Variants in PTPN2 observed in about 807,000 individuals in gnomAD.
PTPN2 encodes tyrosine-protein phosphatase non-receptor type 2.
PTPN2 carries 19 observed loss-of-function variants against 57.3 expected under a neutral mutation model. The observed-to-expected ratio is 0.33, with a 90% confidence interval of 0.23 to 0.49. The LOEUF is 0.49. Ranked by LOEUF, PTPN2 falls within the 20% of genes least tolerant of loss-of-function variation. The probability of loss-of-function intolerance (pLI) is 0.99; values close to 1 mark genes in which losing one functional copy is unlikely to be tolerated. For synonymous variants in PTPN2, 153 were observed against 164.9 expected (o/e 0.93, Z 0.55); for missense variants, 358 against 501.1 (o/e 0.71, Z 2.73).
At position 12,884,225 on chromosome 18, in the gene PTPN2, C is replaced by G; in HGVS notation, c.-84G>C. 1 of 1,104,440 alleles carries G rather than the reference C, an allele frequency of 9.1e-7. No homozygotes were observed. Among genetic ancestry groups the G allele is most frequent in the Non-Finnish European group, 1.2e-6 (1 of 824,536 alleles). The allele number at this position is 1,104,440 out of a possible 1,614,324, so 68.4% of individuals were successfully genotyped here. A position where few individuals can be genotyped will look rare whatever the true frequency, so the allele number is the denominator to read the frequency against. On this transcript the variant is annotated 5_prime_UTR_variant, in exon 1 of 9. Transcript: ENST00000309660. ...GCACGATCCGGGGAGAGCGCTGGCGCTGCGGCGCATGCGCGCTGCGCGCCG... is the reference window on the plus strand; with the variant it reads ...GCACGATCCGGGGAGAGCGCTGGCGGTGCGGCGCATGCGCGCTGCGCGCCG...
intron 7 of PTPN2, among the ~76,000 whole-genome samples, chr18:12,811,902 C>A (rs1184790211): frequency 6.6e-6 from 1 of 152,190 alleles, no homozygotes; most frequent in Non-Finnish European, 1.5e-5. Context: ...CCATGCCCCC[C>A]ACACAATGCC....
chr18:12,800,944 T>C (rs2041397946), intron 8 of PTPN2, among the ~76,000 whole-genome samples: 1 of 152,230 alleles, frequency 6.6e-6, no homozygotes, highest in Non-Finnish European at 1.5e-5. Flanking sequence ...AAAACGCCTT[T>C]TTCTTTCTCC....
intron 3 of PTPN2, 54 bp from the exon 4 acceptor site, chr18:12,831,095 G>T: frequency 7.7e-7 from 1 of 1,290,426 alleles, no homozygotes; most frequent in Non-Finnish European, 1.1e-6. Context: ...AAAGAGCAAG[G>T]CTCCAGGAAG....
At chr18:12,874,842 A>G (rs1458242019) in intron 1 of PTPN2, among the ~76,000 whole-genome samples, 2 of 152,164 alleles carry the variant, frequency 1.3e-5, no homozygotes, top group African/African-American at 4.8e-5. Context: ...CATGATGACA[A>G]TGGTGGTTTT....
intron 5 of PTPN2, chr18:12,819,143 G>T: frequency 9.1e-6 from 5 of 549,192 alleles, no homozygotes; most frequent in African/African-American, 2.0e-5. Flanking sequence ...AGACTTCTAT[G>T]TCCCAGACTC....
At chr18:12,883,948 G>A (rs1302503935) in intron 1 of PTPN2, 125 bp downstream of exon 1, 11 of 722,796 alleles carry the variant, frequency 1.5e-5, no homozygotes, top group Non-Finnish European at 2.3e-5. Flanking sequence ...GGACCGCGCC[G>A]CCACTTCCGC....
At chr18:12,797,125 T>A (rs2041221139) in intron 8 of PTPN2, among the ~76,000 whole-genome samples, 1 of 152,208 alleles carries the variant, frequency 6.6e-6, no homozygotes, top group Non-Finnish European at 1.5e-5. Flanking sequence ...ATGTACCTGT[T>A]AGTGAAAACA....
intron 2 of PTPN2, among the ~76,000 whole-genome samples, chr18:12,848,728 C>A (rs2043295097): frequency 6.6e-6 from 1 of 152,234 alleles, no homozygotes; most frequent in African/African-American, 2.4e-5. Context: ...GCAAGAATCA[C>A]CTATGTGGGG....
At chr18:12,866,463 A>G (rs1202946398) in intron 1 of PTPN2, among the ~76,000 whole-genome samples, 1 of 151,364 alleles carries the variant, frequency 6.6e-6, no homozygotes, top group African/African-American at 2.4e-5. Flanking sequence ...AAAACAAAAC[A>G]AAACAAAACA....
intron 1 of PTPN2, among the ~76,000 whole-genome samples, chr18:12,882,416 C>T (rs1357794277): frequency 6.6e-6 from 1 of 152,178 alleles, no homozygotes; most frequent in Non-Finnish European, 1.5e-5. Flanking sequence ...AGAGGAATCA[C>T]AATTCTCATT....
At chr18:12,821,659 TG>T (rs1261953744) in intron 5 of PTPN2, among the ~76,000 whole-genome samples, 1 of 152,214 alleles carries the variant, frequency 6.6e-6, no homozygotes, top group Admixed American at 6.5e-5. Context: ...GAAAGCAATA[TG>T]CAAAGGCATG....
chr18:12,800,674 T>C lies in PTPN2; in HGVS notation c.1040+1296A>G, dbSNP rs2041384230. Among the ~76,000 whole-genome samples, 3 of 152,192 alleles carry C rather than the reference T, an allele frequency of 2.0e-5. No homozygotes were observed. The South Asian group carries it at 6.2e-4, about 31-fold the overall frequency. ...AAAATACAGCAGTAAAGCTATAATG[T>C]ATGGCAGACTTCGACTATTTTCATT... On this transcript the variant is annotated intron_variant, in intron 8 of 8. Transcript: ENST00000309660.
At chr18:12,859,891 G>A (rs967214079) in intron 1 of PTPN2, among the ~76,000 whole-genome samples, 1 of 152,156 alleles carries the variant, frequency 6.6e-6, no homozygotes, top group African/African-American at 2.4e-5. Context: ...AGTGGCTAAC[G>A]CCTGTAATCC....
chr18:12,827,490 G>C (rs2042518019), intron 4 of PTPN2, among the ~76,000 whole-genome samples: 1 of 151,502 alleles, frequency 6.6e-6, no homozygotes, highest in African/African-American at 2.4e-5. Flanking sequence ...TCAATCTTCT[G>C]GGCTCAAGCA....
chr18:12,787,608 C>A (rs1232636884), downstream of PTPN2: 5 of 151,912 alleles, frequency 3.3e-5, no homozygotes, highest in Non-Finnish European at 5.9e-5. Flanking sequence ...GTTATTATTT[C>A]TTTGTAAATA....
At chr18:12,870,468 G>GAT (rs2044222861) in intron 1 of PTPN2, among the ~76,000 whole-genome samples, 1 of 78,526 alleles carries the variant, frequency 1.3e-5, no homozygotes, top group Non-Finnish European at 2.1e-5. Flanking sequence ...TATATAGAGA[G>GAT]AGAGAGAGAG....
At chr18:12,865,678 T>C (rs1460391781) in intron 1 of PTPN2, among the ~76,000 whole-genome samples, 1 of 150,782 alleles carries the variant, frequency 6.6e-6, no homozygotes, top group African/African-American at 2.4e-5. Flanking sequence ...GCAAAAAGAG[T>C]GAGCTGGGCG....
At position 12,815,990 on chromosome 18, in the gene PTPN2, C is replaced by T. The variant is rs139510145; in HGVS notation, c.705+1166G>A. On this transcript the variant is annotated intron_variant, in intron 6 of 8. Transcript: ENST00000309660. Reference sequence around the variant, plus strand: ...AAACATCGAAGAGACTAATACAGGGCCTTAAAGTCAAGGTTAAGAACACCA... The same window carrying T: ...AAACATCGAAGAGACTAATACAGGGTCTTAAAGTCAAGGTTAAGAACACCA... 6.6e-5 allele frequency among the ~76,000 whole-genome samples: 10 copies of T among 152,196 alleles called. No homozygotes were observed. The East Asian group carries it at 1.9e-3, about 29-fold the overall frequency.
At chr18:12,811,629 G>C (rs898984680) in intron 7 of PTPN2, among the ~76,000 whole-genome samples, 1 of 151,976 alleles carries the variant, frequency 6.6e-6, no homozygotes, top group Non-Finnish European at 1.5e-5. Context: ...AGACTCACTC[G>C]TGCCTATGTT....
Sources: allele counts gnomAD v4.1 joint callset (sites outside exome capture counted in the v4.1 genomes callset), GRCh38; gene constraint gnomAD v4.1.1; transcripts MANE v1.5; gene names NCBI Gene and HGNC (gene_info 2026-07-23, HGNC 2026-07-21).